Variants in PACSIN1 observed in about 807,000 individuals in gnomAD.
PACSIN1 encodes protein kinase C and casein kinase substrate in neurons 1, also known as protein kinase C and casein kinase substrate in neurons protein 1.
Under a neutral mutation model 59.5 loss-of-function variants are expected in PACSIN1, and 15 were observed. The observed-to-expected ratio is 0.25, with a 90% CI of 0.17 to 0.39. The LOEUF (loss-of-function observed/expected upper bound fraction) is 0.39. Among genes scored for constraint, PACSIN1 ranks in the 10% least tolerant of loss-of-function variants. PACSIN1 has a pLI of 1.00. For synonymous variants in PACSIN1, 210 were observed against 220.6 expected (o/e 0.95, Z 0.42); for missense variants, 420 against 580.2 (o/e 0.72, Z 2.84).
chr6:34,507,563 A>AT (rs1767133929), intron 1 of PACSIN1, among the ~76,000 whole-genome samples: 1 of 147,620 alleles, frequency 6.8e-6, no homozygotes, highest in East Asian at 2.0e-4. Flanking sequence ...AAAAAAAAAA[A>AT]CCCACATAAC....
intron 1 of PACSIN1, among the ~76,000 whole-genome samples, chr6:34,522,096 C>T (rs949464120): frequency 1.3e-5 from 2 of 152,172 alleles, no homozygotes; most frequent in Non-Finnish European, 2.9e-5. Flanking sequence ...TGAGAATGAA[C>T]GAGGTGCTGG....
chr6:34,524,618 T>C (rs547677746), intron 1 of PACSIN1, among the ~76,000 whole-genome samples: 2 of 152,340 alleles, frequency 1.3e-5, no homozygotes, highest in Admixed American at 6.5e-5. Flanking sequence ...CATAACTTAT[T>C]GACCCAGCCC....
At chr6:34,470,180 A>G (rs1294116729) in intron 1 of PACSIN1, among the ~76,000 whole-genome samples, 4 of 151,962 alleles carry the variant, frequency 2.6e-5, no homozygotes, top group African/African-American at 7.2e-5. Flanking sequence ...CTTGGCTATT[A>G]TTATTATTAT....
At chr6:34,527,060 T>G (rs531189081) in intron 2 of PACSIN1, among the ~76,000 whole-genome samples, 6 of 152,292 alleles carry the variant, frequency 3.9e-5, no homozygotes, top group Admixed American at 1.3e-4. Context: ...TCCTTCTGCA[T>G]TTTGTGGCAG....
chr6:34,475,248 G>A (rs927509945), intron 1 of PACSIN1, among the ~76,000 whole-genome samples: 4 of 152,066 alleles, frequency 2.6e-5, no homozygotes, highest in African/African-American at 9.7e-5. Flanking sequence ...TGCCCACAGA[G>A]CTGACCGCCT....
Position 34,529,318 on chromosome 6 carries a change from A to C in PACSIN1, c.457-79A>C. 6.9e-7 allele frequency: 1 copy of C among 1,459,134 alleles called. No homozygotes were observed. The highest frequency in any genetic ancestry group is 9.5e-7 in the Non-Finnish European group (1 of 1,052,354). 90.4% of individuals were successfully genotyped at this position (1,459,134 alleles called of 1,614,324 possible). The stretch of plus-strand genomic sequence containing the variant: ...GGCTCACAGGTCCCAGGGAGTGGGC[A>C]GGGGAGGAGTTAATGGGTGACCATG... On this transcript the variant is annotated intron_variant, in intron 4 of 9. Transcript: ENST00000244458. The surrounding 1 kb of genome is among the most constrained non-coding windows in gnomAD (Gnocchi z 6.3).
At chr6:34,477,493 C>A (rs538149066) in intron 1 of PACSIN1, among the ~76,000 whole-genome samples, 28 of 152,276 alleles carry the variant, frequency 1.8e-4, no homozygotes, top group Middle Eastern at 6.8e-3. Context: ...TTCCCTGCAA[C>A]AGCTGGGGGA....
At position 34,514,424 on chromosome 6, in the gene PACSIN1, A is replaced by G. The variant is rs1410314395; in HGVS notation, c.-63-11819A>G. Among the ~76,000 whole-genome samples, 1 of 152,140 alleles carries G rather than the reference A, an allele frequency of 6.6e-6. No homozygotes were observed. The highest frequency in any genetic ancestry group is 1.5e-5 in the Non-Finnish European group (1 of 68,030). On this transcript the variant is annotated intron_variant, in intron 1 of 9. Coordinates refer to ENST00000244458, the MANE Select transcript of PACSIN1 (RefSeq NM_020804.5). The surrounding 1 kb of genome is among the most constrained non-coding windows in gnomAD (Gnocchi z 4.4). ...TCTCACACTCAGCCTGGCCTAGAAAAAACTCAAAATTTTGAATTTTCATCA... is the reference window on the plus strand; with the variant it reads ...TCTCACACTCAGCCTGGCCTAGAAAGAACTCAAAATTTTGAATTTTCATCA...
chr6:34,481,698 C>T (rs564420047), intron 1 of PACSIN1, among the ~76,000 whole-genome samples: 29 of 152,010 alleles, frequency 1.9e-4, no homozygotes, highest in South Asian at 4.2e-4. Context: ...AAGAAAATAC[C>T]CTTGCTTTCT....
At chr6:34,505,682 G>T (rs1767102066) in intron 1 of PACSIN1, among the ~76,000 whole-genome samples, 1 of 133,132 alleles carries the variant, frequency 7.5e-6, no homozygotes, top group South Asian at 2.3e-4. Context: ...CCACCAGGCT[G>T]GAGTACAGTG....
intron 1 of PACSIN1, among the ~76,000 whole-genome samples, chr6:34,507,718 C>T (rs1767136107): frequency 6.6e-6 from 1 of 152,194 alleles, no homozygotes; most frequent in African/African-American, 2.4e-5. Flanking sequence ...TCTTCCTCCC[C>T]TCAGCCTCTG....
At position 34,524,251 on chromosome 6, in the gene PACSIN1, C is replaced by T. The variant is rs148346551; in HGVS notation, c.-63-1992C>T. On this transcript the variant is annotated intron_variant, in intron 1 of 9. Coordinates refer to ENST00000244458, the MANE Select transcript of PACSIN1 (RefSeq NM_020804.5). ...AGGTCTCAGCTGTACTGTCCCTTCC[C>T]TCCATGCTGACAGCACACTCCATCC... is the stretch of plus-strand genomic sequence containing the variant. 3.7e-3 allele frequency among the ~76,000 whole-genome samples: 570 copies of T among 152,320 alleles called. 2 individuals are homozygous for T. Among genetic ancestry groups the T allele is most frequent in the Middle Eastern group, 0.017 (5 of 294 alleles).
At chr6:34,477,337 A>G (rs181590249) in intron 1 of PACSIN1, among the ~76,000 whole-genome samples, 6 of 152,156 alleles carry the variant, frequency 3.9e-5, no homozygotes, top group Admixed American at 1.3e-4. Context: ...TTTAAAAAAA[A>G]AAGAAAAAAG....
At chr6:34,487,100 G>A in intron 1 of PACSIN1, among the ~76,000 whole-genome samples, 1 of 152,064 alleles carries the variant, frequency 6.6e-6, no homozygotes, top group Non-Finnish European at 1.5e-5. Context: ...AGCCCAGGGA[G>A]GTTGAGGCTG....
chr6:34,520,130 GGAGA>G (rs1767362656), intron 1 of PACSIN1, among the ~76,000 whole-genome samples: 1 of 152,066 alleles, frequency 6.6e-6, no homozygotes, highest in African/African-American at 2.4e-5. Context: ...TGGGTTGTGG[GGAGA>G]CATGAGCAAA....
Position 34,532,533 on chromosome 6 carries a change from GC to G in PACSIN1, c.*8del. On this transcript the variant is annotated 3_prime_UTR_variant, in exon 10 of 10. Transcript: ENST00000244458. The surrounding 1 kb of genome is among the most constrained non-coding windows in gnomAD (Gnocchi z 5.2). The stretch of plus-strand genomic sequence containing the variant: ...CCAACTACGTGGAGGCTATCTAGAG[GC>G]CCCCTCCCTCCATACTCCCGTCACT... 7 of 1,522,808 alleles carry G rather than the reference GC, an allele frequency of 4.6e-6. No individual in the cohort carries two copies. The highest frequency in any genetic ancestry group is 1.4e-5 in the African/African-American group (1 of 71,732). 94.3% of individuals were successfully genotyped at this position (1,522,808 alleles called of 1,614,324 possible).
In PACSIN1 at chr6:34,518,158, G is replaced by A. The variant is rs1411286894; in HGVS notation, c.-63-8085G>A. On this transcript the variant is annotated intron_variant, in intron 1 of 9. Transcript: ENST00000244458. The surrounding 1 kb of genome is among the most constrained non-coding windows in gnomAD (Gnocchi z 4.4). ...CCGGCCAGGCCCCGGAAGAGGGCAA[G>A]CTGCATGCATCCCACCCCAAGCCAC... 2.6e-5 allele frequency among the ~76,000 whole-genome samples: 4 copies of A among 152,250 alleles called. No individual in the cohort carries two copies. The highest frequency in any genetic ancestry group is 6.5e-5 in the Admixed American group (1 of 15,286).
rs1767251882 is a variant in PACSIN1 at position 34,514,349 on chromosome 6, T to C, written c.-63-11894T>C. On this transcript the variant is annotated intron_variant, in intron 1 of 9. Coordinates refer to ENST00000244458, the MANE Select transcript of PACSIN1 (RefSeq NM_020804.5). The surrounding 1 kb of genome is among the most constrained non-coding windows in gnomAD (Gnocchi z 4.4). ...TACAGCTGTGGCCCTCAGCTTCCAA[T>C]CTGTCAAATGGGTATGAAGCCTTAT... 6.6e-6 allele frequency among the ~76,000 whole-genome samples: 1 copy of C among 152,006 alleles called. No individual in the cohort carries two copies. Among genetic ancestry groups the C allele is most frequent in the Non-Finnish European group, 1.5e-5 (1 of 67,984 alleles).
chr6:34,492,689 C>T (rs1230721801), intron 1 of PACSIN1, among the ~76,000 whole-genome samples: 1 of 152,228 alleles, frequency 6.6e-6, no homozygotes, highest in Non-Finnish European at 1.5e-5. Flanking sequence ...GCCTGGAGGC[C>T]ATAATTCTAG....
Sources: gnomAD v4.1 joint callset for allele counts (sites outside exome capture counted in the v4.1 genomes callset) on GRCh38, gnomAD v4.1.1 for gene constraint, Gnocchi (gnomAD v3.1) non-coding constraint, MANE v1.5 for transcripts, NCBI Gene and HGNC (gene_info 2026-07-23, HGNC 2026-07-21) for gene names.